The following RNF130 variants were observed in gnomAD, a reference collection of about 807,000 sequenced individuals.
RNF130 encodes E3 ubiquitin-protein ligase RNF130.
A neutral mutation model predicts 44.6 loss-of-function variants in RNF130; 21 were observed. That is an observed-to-expected ratio of 0.47 (90% CI 0.33 to 0.68). The LOEUF (loss-of-function observed/expected upper bound fraction) is 0.68, where lower values mean the gene tolerates loss of function less well. Ranked by LOEUF, RNF130 falls within the 30% of genes least tolerant of loss-of-function variation. RNF130 has a pLI of 0.02. For missense variants in RNF130, 479 were observed against 560.6 expected, an observed-to-expected ratio of 0.85 and a Z score of 1.47; for synonymous variants, 214 against 210.4, an observed-to-expected ratio of 1.02 and a Z score of -0.15.
intron 6 of RNF130, among the ~76,000 whole-genome samples, chr5:179,969,461 C>A (rs1457046254): frequency 2.6e-5 from 4 of 152,034 alleles, no homozygotes; most frequent in Non-Finnish European, 5.9e-5. Context: ...ATGACTGGAA[C>A]AGAGTCAACA....
chr5:179,928,632 T>A, intron 7 of RNF130, among the ~76,000 whole-genome samples: 1 of 32,794 alleles, frequency 3.0e-5, no homozygotes, highest in Non-Finnish European at 4.2e-5. Flanking sequence ...ATTGTTGTTG[T>A]TTTTTTTTTT....
intron 4 of RNF130, 132 bp from the exon 5 acceptor site, chr5:179,978,417 T>G: frequency 4.9e-6 from 3 of 607,802 alleles, no homozygotes; most frequent in Non-Finnish European, 5.7e-6. Context: ...TGATTAAAAT[T>G]ATTTTGTTTT....
At chr5:180,038,591 T>C (rs1764330918) in intron 2 of RNF130, among the ~76,000 whole-genome samples, 1 of 152,036 alleles carries the variant, frequency 6.6e-6, no homozygotes, top group African/African-American at 2.4e-5. Flanking sequence ...TTCTGAAACT[T>C]ACTGTTTCCC....
intron 3 of RNF130, among the ~76,000 whole-genome samples, chr5:180,008,510 A>G (rs1676218130): frequency 6.6e-6 from 1 of 152,234 alleles, no homozygotes; most frequent in Admixed American, 6.5e-5. Flanking sequence ...ACAAACTTCA[A>G]GAAACAGAAG....
At chr5:180,006,855 G>A (rs566234993) in intron 3 of RNF130, among the ~76,000 whole-genome samples, 4 of 152,232 alleles carry the variant, frequency 2.6e-5, no homozygotes, top group Non-Finnish European at 2.9e-5. Context: ...ATTTGACAGC[G>A]ACATTTAAGT....
intron 3 of RNF130, among the ~76,000 whole-genome samples, chr5:179,984,520 C>T (rs1361661530): frequency 6.6e-6 from 1 of 152,040 alleles, no homozygotes; most frequent in Non-Finnish European, 1.5e-5. Flanking sequence ...ACAGTTTTAG[C>T]TTTTTTGGCC....
At position 180,071,605 on chromosome 5, in the gene RNF130, T is replaced by C; in HGVS notation, c.98A>G (p.Glu33Gly). Reference protein sequence around the residue: ...WPARADNASQEYYTALINVTV... With the variant: ...WPARADNASQGYYTALINVTV... ...CACGTTGATGAGCGCCGTGTAGTAC[T>C]CCTGGCTCGCGTTGTCTGCCCGTGC... Residue 33 changes from glutamate (E) to glycine (G), a missense_variant, in exon 1 of 9, where the codon GAG (glutamate) becomes GGG (glycine). Glu to Gly is a moderately conservative substitution (Grantham distance 98, BLOSUM62 -2). Coordinates refer to ENST00000521389, the MANE Select transcript of RNF130 (RefSeq NM_018434.6). 1 of 1,508,054 alleles carries C rather than the reference T, an allele frequency of 6.6e-7. No individual in the cohort carries two copies. Among genetic ancestry groups the C allele is most frequent in the South Asian group, 1.2e-5 (1 of 80,040 alleles). The allele number at this position is 1,508,054 out of a possible 1,614,324, so 93.4% of individuals were successfully genotyped here.
chr5:180,069,755 G>A (rs1765202563), intron 1 of RNF130, among the ~76,000 whole-genome samples: 2 of 152,334 alleles, frequency 1.3e-5, no homozygotes, highest in East Asian at 3.9e-4. Context: ...GCACAGGCCT[G>A]ACTCAGAACC....
chr5:179,940,474 T>C (rs1761955921), intron 7 of RNF130, among the ~76,000 whole-genome samples: 1 of 152,104 alleles, frequency 6.6e-6, no homozygotes, highest in African/African-American at 2.4e-5. Flanking sequence ...CCTGACTTCA[T>C]GATCCTCCCG....
At chr5:179,937,933 TGAGAGAGAGAGAGA>T (rs3078901) in intron 7 of RNF130, among the ~76,000 whole-genome samples, 7 of 116,224 alleles carry the variant, frequency 6.0e-5, no homozygotes, top group Non-Finnish European at 1.1e-4. Flanking sequence ...TGTGTGTGTG[TGAGAGAGAGAGAGA>T]GAGAGAGAGA....
At chr5:179,970,385 G>C (rs1240107667) in intron 6 of RNF130, 25 bp downstream of exon 6, 8 of 1,537,152 alleles carry the variant, frequency 5.2e-6, no homozygotes, top group Non-Finnish European at 7.2e-6. Context: ...TACAAAAGTG[G>C]TAACAAATAA....
intron 2 of RNF130, among the ~76,000 whole-genome samples, chr5:180,028,434 AGATTTTTGATTCATGTGGTTCGTCTACT>A (rs1438837242): frequency 6.6e-6 from 1 of 152,064 alleles, no homozygotes; most frequent in Non-Finnish European, 1.5e-5. Flanking sequence ...TCCTCTCACC[AGATTTTTGATTCATGTGGTTCGTCTACT>A]GAGAGGATTT....
At chr5:179,925,830 G>A (rs1005341728) in intron 7 of RNF130, among the ~76,000 whole-genome samples, 2 of 152,196 alleles carry the variant, frequency 1.3e-5, no homozygotes, top group Non-Finnish European at 2.9e-5. Flanking sequence ...ACCACACCTG[G>A]CTGGGTTTAT....
intron 2 of RNF130, among the ~76,000 whole-genome samples, chr5:180,025,669 A>T (rs1763968457): frequency 6.6e-6 from 1 of 152,202 alleles, no homozygotes; most frequent in Non-Finnish European, 1.5e-5. Context: ...GATGGAAGAT[A>T]CAGTAGAAGC....
intron 2 of RNF130, among the ~76,000 whole-genome samples, chr5:180,031,586 G>C (rs1387590344): frequency 6.6e-6 from 1 of 152,172 alleles, no homozygotes; most frequent in East Asian, 1.9e-4. Context: ...CTGTTCAAGG[G>C]CCAACTGTAA....
At chr5:180,039,212 C>T (rs1200243922) in intron 2 of RNF130, among the ~76,000 whole-genome samples, 1 of 151,716 alleles carries the variant, frequency 6.6e-6, no homozygotes, top group East Asian at 1.9e-4. Context: ...GTTACTTTTG[C>T]AATTGGAAAA....
At chr5:180,033,375 G>C (rs1764176263) in intron 2 of RNF130, among the ~76,000 whole-genome samples, 1 of 152,178 alleles carries the variant, frequency 6.6e-6, no homozygotes. Context: ...AGGCTATTGA[G>C]AATGAACTCT....
At chr5:180,043,325 T>TA (rs1458808236) in intron 1 of RNF130, among the ~76,000 whole-genome samples, 1 of 152,114 alleles carries the variant, frequency 6.6e-6, no homozygotes, top group Non-Finnish European at 1.5e-5. Flanking sequence ...ACTCTATCTC[T>TA]AAAAAACAGT....
At chr5:179,923,043 T>C (rs895844943) in intron 7 of RNF130, among the ~76,000 whole-genome samples, 1 of 152,232 alleles carries the variant, frequency 6.6e-6, no homozygotes, top group Non-Finnish European at 1.5e-5. Flanking sequence ...ATTAAAAGTT[T>C]CAAATTTTGG....
Sources: gnomAD v4.1 joint callset for allele counts (sites outside exome capture counted in the v4.1 genomes callset) on GRCh38, gnomAD v4.1.1 for gene constraint, MANE v1.5 for transcripts, NCBI Gene and HGNC (gene_info 2026-07-23, HGNC 2026-07-21) for gene names.